PRLR: variants seen among roughly 807,000 people sequenced by gnomAD.
PRLR encodes hPRL receptor.
Under a neutral mutation model 40.2 loss-of-function variants are expected in PRLR, and 13 were observed. The ratio of observed to expected loss-of-function variants is 0.32; its 90% CI spans 0.21 to 0.51. The LOEUF (loss-of-function observed/expected upper bound fraction) is 0.51, where lower values mean the gene tolerates loss of function less well. Among genes scored for constraint, PRLR ranks in the 20% least tolerant of loss-of-function variants. PRLR has a pLI of 0.97. For missense variants in PRLR, 656 were observed against 747.3 expected (o/e 0.88, Z 1.42); for synonymous variants, 269 against 278.7 (o/e 0.97, Z 0.35).
At chr5:35,066,710 C>G (rs1308986166) in intron 9 of PRLR, among the ~76,000 whole-genome samples, 1 of 151,302 alleles carries the variant, frequency 6.6e-6, no homozygotes, top group Non-Finnish European at 1.5e-5. Flanking sequence ...CTGCTTCTAT[C>G]CTTCCTTTCC....
intron 2 of PRLR, among the ~76,000 whole-genome samples, chr5:35,093,492 T>A (rs1015700014): frequency 6.6e-6 from 1 of 152,218 alleles, no homozygotes; most frequent in Non-Finnish European, 1.5e-5. Context: ...CAACCTGTCC[T>A]GCTGTATCTG....
intron 4 of PRLR, among the ~76,000 whole-genome samples, chr5:35,085,960 C>T (rs570324585): frequency 6.6e-6 from 1 of 152,090 alleles, no homozygotes; most frequent in South Asian, 2.1e-4. Context: ...TCAGAAATGC[C>T]AAGCATCAGC....
downstream of PRLR, among the ~76,000 whole-genome samples, chr5:35,054,959 C>T (rs1244420887): frequency 1.3e-5 from 2 of 152,004 alleles, no homozygotes; most frequent in Non-Finnish European, 2.9e-5. Context: ...AATACAGCAT[C>T]TGTGATATTA....
At chr5:35,102,897 C>T (rs1771991149) in intron 2 of PRLR, among the ~76,000 whole-genome samples, 1 of 152,066 alleles carries the variant, frequency 6.6e-6, no homozygotes, top group African/African-American at 2.4e-5. Context: ...TAATAGTTCT[C>T]ACTTTTGTTA....
chr5:35,083,019 G>A (rs76739832), intron 5 of PRLR, among the ~76,000 whole-genome samples: 2,008 of 150,658 alleles, frequency 0.013, 20 homozygotes, highest in Non-Finnish European at 0.02. Context: ...AACATTTCTT[G>A]CTTTCATTGT....
intron 6 of PRLR, among the ~76,000 whole-genome samples, chr5:35,071,711 C>T (rs1289661230): frequency 6.6e-6 from 1 of 152,190 alleles, no homozygotes; most frequent in African/African-American, 2.4e-5. Flanking sequence ...AATTCTCCTG[C>T]CTCAGCCTTC....
At chr5:35,127,997 T>C (rs188560103) in intron 1 of PRLR, among the ~76,000 whole-genome samples, 1 of 152,218 alleles carries the variant, frequency 6.6e-6, no homozygotes, top group East Asian at 1.9e-4. Flanking sequence ...CTTGACTTTA[T>C]GAGGGTGCAA....
chr5:35,144,976 T>C (rs538092028), intron 1 of PRLR, among the ~76,000 whole-genome samples: 146 of 152,298 alleles, frequency 9.6e-4, no homozygotes, highest in African/African-American at 3.4e-3. Flanking sequence ...CAAATTACCA[T>C]ATGCATATTA....
At chr5:35,171,997 T>C (rs1194895073) in intron 1 of PRLR, among the ~76,000 whole-genome samples, 1 of 152,212 alleles carries the variant, frequency 6.6e-6, no homozygotes, top group African/African-American at 2.4e-5. Context: ...AGCCCTCAGG[T>C]TGTTTAACAT....
At chr5:35,176,021 A>C (rs902086734) in intron 1 of PRLR, among the ~76,000 whole-genome samples, 1 of 152,192 alleles carries the variant, frequency 6.6e-6, no homozygotes, top group African/African-American at 2.4e-5. Flanking sequence ...ATTTCATGTA[A>C]TATCATGTGT....
chr5:35,197,280 C>T (rs12188786), intron 1 of PRLR, among the ~76,000 whole-genome samples: 20,217 of 152,184 alleles, frequency 0.13, 1,678 homozygotes, highest in African/African-American at 0.23. Context: ...TATAGGATTT[C>T]GGGGAGGTCA....
intron 9 of PRLR, among the ~76,000 whole-genome samples, chr5:35,066,967 G>A (rs563399434): frequency 6.6e-6 from 1 of 152,148 alleles, no homozygotes; most frequent in South Asian, 2.1e-4. Flanking sequence ...GTTTCACCAT[G>A]TTAGCCAGGA....
intron 1 of PRLR, among the ~76,000 whole-genome samples, chr5:35,201,086 C>T (rs1223608028): frequency 2.0e-5 from 3 of 152,118 alleles, no homozygotes; most frequent in Middle Eastern, 3.2e-3. Context: ...GTCACTTAAG[C>T]CCCCAGAACC....
chr5:35,146,810 GCTCTTATTTAGCC>G (rs745375084), intron 1 of PRLR, among the ~76,000 whole-genome samples: 54 of 152,240 alleles, frequency 3.5e-4, no homozygotes, highest in Non-Finnish European at 6.9e-4. Context: ...TCCAGTTTGT[GCTCTTATTTAGCC>G]CTCTAAACCT....
chr5:35,076,317 T>G (rs1367910812), intron 5 of PRLR, among the ~76,000 whole-genome samples: 1 of 152,156 alleles, frequency 6.6e-6, no homozygotes, highest in Non-Finnish European at 1.5e-5. Flanking sequence ...GACAAATGGC[T>G]AACTAGAATA....
chr5:35,087,777 G>T (rs899605224), intron 3 of PRLR, among the ~76,000 whole-genome samples: 4 of 152,162 alleles, frequency 2.6e-5, no homozygotes, highest in African/African-American at 7.2e-5. Context: ...TTGCTTGGAT[G>T]TCAGGTTCAA....
At chr5:35,073,134 C>CTCAGCTGGGCATGAGAT (rs1769860321) in intron 5 of PRLR, among the ~76,000 whole-genome samples, 1 of 152,082 alleles carries the variant, frequency 6.6e-6, no homozygotes, top group Non-Finnish European at 1.5e-5. Flanking sequence ...GCTTATTTCC[C>CTCAGCTGGGCATGAGAT]TCAGCTGGGC....
intron 2 of PRLR, among the ~76,000 whole-genome samples, chr5:35,098,697 C>G (rs1771682400): frequency 6.6e-6 from 1 of 152,108 alleles, no homozygotes; most frequent in Admixed American, 6.5e-5. Context: ...GAAACTCAAG[C>G]TTTGAAGGTG....
chr5:35,162,778 C>A (rs1278750155), intron 1 of PRLR, among the ~76,000 whole-genome samples: 5 of 152,186 alleles, frequency 3.3e-5, no homozygotes, highest in African/African-American at 1.2e-4. Flanking sequence ...ATGCCTCGTC[C>A]CTGTGTCTCC....
Sources: allele counts gnomAD v4.1 joint callset (sites outside exome capture counted in the v4.1 genomes callset), GRCh38; gene constraint gnomAD v4.1.1; transcripts MANE v1.5; gene names NCBI Gene and HGNC (gene_info 2026-07-23, HGNC 2026-07-21).